ITPRID1: variants seen among roughly 807,000 people sequenced by gnomAD.
The protein encoded by ITPRID1 is protein ITPRID1.
In ITPRID1, 96 loss-of-function variants were observed where a neutral mutation model predicts 95.4. The ratio of observed to expected loss-of-function variants is 1.01; its 90% confidence interval spans 0.85 to 1.19. ITPRID1 has a LOEUF of 1.19. ITPRID1 is among the 50% of genes most tolerant of loss of function. ITPRID1 has a pLI of 0.00. For missense variants in ITPRID1, 1,339 were observed against 1,252.9 expected (o/e 1.07, Z -1.04); for synonymous variants, 510 against 453.6 (o/e 1.12, Z -1.58).
At chr7:31,635,149 A>G (rs866712919) in intron 10 of ITPRID1, among the ~76,000 whole-genome samples, 1 of 152,174 alleles carries the variant, frequency 6.6e-6, no homozygotes, top group African/African-American at 2.4e-5. Flanking sequence ...TTAATAATCC[A>G]TCATGGCCAT....
chr7:31,548,251 T>C (rs1784164588), intron 1 of ITPRID1, among the ~76,000 whole-genome samples: 2 of 152,070 alleles, frequency 1.3e-5, no homozygotes, highest in East Asian at 1.9e-4. Flanking sequence ...GCCATCTACA[T>C]TGATAATGAA....
intron 1 of ITPRID1, among the ~76,000 whole-genome samples, chr7:31,541,542 T>C (rs1430412928): frequency 1.3e-5 from 2 of 152,184 alleles, no homozygotes; most frequent in Non-Finnish European, 2.9e-5. Flanking sequence ...AACATAACAA[T>C]TATAATTATT....
At chr7:31,516,578 T>C (rs1445338580) in intron 1 of ITPRID1, among the ~76,000 whole-genome samples, 1 of 152,176 alleles carries the variant, frequency 6.6e-6, no homozygotes, top group Non-Finnish European at 1.5e-5. Context: ...CAGATAATAG[T>C]TGGCAGCACC....
rs768625603 is a variant in ITPRID1, at chr7:31,643,393, G to C, written c.2023G>C (p.Ala675Pro). The C allele has an allele frequency of 1.9e-6, 3 of 1,613,978 alleles. No individual in the cohort carries two copies. In the South Asian group the frequency reaches 3.3e-5, roughly 18 times the overall value. Residue 675 changes from alanine to proline, a missense_variant, in exon 12 of 15, where the codon GCC becomes CCC. Physicochemically the swap from Ala to Pro is conservative, Grantham distance 27. Coordinates refer to ENST00000615280, the MANE Select transcript of ITPRID1 (RefSeq NM_001257967.3). The part of the protein sequence containing the change: ...PHLHKLPGDP[A>P]QVKSRSGTLG... ...CCTCCATAAACTGCCTGGAGATCCT[G>C]CCCAGGTGAAGTCAAGGTCTGGTAC...
intron 10 of ITPRID1, among the ~76,000 whole-genome samples, chr7:31,635,001 T>C (rs1241633648): frequency 6.6e-6 from 1 of 152,214 alleles, no homozygotes; most frequent in Non-Finnish European, 1.5e-5. Flanking sequence ...CTGGTACCAC[T>C]GCCATTACTC....
intron 9 of ITPRID1, among the ~76,000 whole-genome samples, chr7:31,580,728 T>C (rs886654994): frequency 4.1e-4 from 62 of 152,284 alleles, no homozygotes; most frequent in African/African-American, 1.5e-3. Context: ...TATTTGTTAA[T>C]TGAGTGAACA....
At chr7:31,549,924 T>C (rs1240405788) in intron 2 of ITPRID1, among the ~76,000 whole-genome samples, 1 of 152,176 alleles carries the variant, frequency 6.6e-6, no homozygotes, top group Admixed American at 6.5e-5. Context: ...AATGTAATCA[T>C]TGTCACTGCT....
At chr7:31,597,361 A>G (rs1786130921) in intron 10 of ITPRID1, among the ~76,000 whole-genome samples, 1 of 152,058 alleles carries the variant, frequency 6.6e-6, no homozygotes, top group Non-Finnish European at 1.5e-5. Flanking sequence ...CTGTCTACAT[A>G]CAAAACTTGA....
rs1383155796 is a variant in ITPRID1 at position 31,620,111 on chromosome 7, C to G, written c.1229-22065C>G. 3.3e-5 allele frequency among the ~76,000 whole-genome samples: 5 copies of G among 152,274 alleles called. No individual in the cohort carries two copies. In the South Asian group the frequency reaches 6.2e-4, roughly 19 times the overall value. ...GGTAAACAAAGCAGCCGGGAAGCTC[C>G]AACTGGGTGGAGCCCACCACAGCTC... On this transcript the variant is annotated intron_variant, in intron 10 of 14. Coordinates refer to ENST00000615280, the MANE Select transcript of ITPRID1 (RefSeq NM_001257967.3).
chr7:31,646,923 T>G (rs1436462345), intron 12 of ITPRID1, among the ~76,000 whole-genome samples: 2 of 152,226 alleles, frequency 1.3e-5, no homozygotes, highest in East Asian at 3.8e-4. Context: ...ATCATACACC[T>G]GCTGAAATGG....
chr7:31,600,831 T>C (rs917226108), intron 10 of ITPRID1, among the ~76,000 whole-genome samples: 2 of 152,178 alleles, frequency 1.3e-5, no homozygotes, highest in Non-Finnish European at 2.9e-5. Flanking sequence ...TCCTGGGGCT[T>C]GAATTCAACT....
intron 10 of ITPRID1, among the ~76,000 whole-genome samples, chr7:31,586,493 C>T (rs1407966266): frequency 6.6e-6 from 1 of 151,290 alleles, no homozygotes; most frequent in Non-Finnish European, 1.5e-5. Context: ...ACATCCTCTC[C>T]AGCACCTGTT....
chr7:31,577,201 T>C (rs1415850691), intron 8 of ITPRID1, among the ~76,000 whole-genome samples: 2 of 152,356 alleles, frequency 1.3e-5, no homozygotes, highest in East Asian at 3.9e-4. Context: ...GATACTTACA[T>C]GGCATCGTGT....
At chr7:31,614,714 C>T (rs1393687069) in intron 10 of ITPRID1, among the ~76,000 whole-genome samples, 1 of 150,858 alleles carries the variant, frequency 6.6e-6, no homozygotes, top group Non-Finnish European at 1.5e-5. Flanking sequence ...CGTTGTGGCA[C>T]AGTGAGCTGC....
intron 5 of ITPRID1, among the ~76,000 whole-genome samples, chr7:31,555,929 A>C (rs1270770870): frequency 6.6e-6 from 1 of 152,190 alleles, no homozygotes; most frequent in Non-Finnish European, 1.5e-5. Context: ...ATGATGCCAA[A>C]TACTGTAAAG....
intron 5 of ITPRID1, among the ~76,000 whole-genome samples, chr7:31,560,277 T>C (rs1440136754): frequency 2.0e-5 from 3 of 152,118 alleles, no homozygotes; most frequent in African/African-American, 7.2e-5. Flanking sequence ...GGGCTAGGGG[T>C]TAAAGAATTA....
In ITPRID1 at chr7:31,515,966, G is replaced by A. The variant is rs574322843; in HGVS notation, c.-98+1846G>A. Among the ~76,000 whole-genome samples, 7 of 152,268 alleles carry A rather than the reference G, an allele frequency of 4.6e-5. No individual in the cohort carries two copies. In the South Asian group the frequency reaches 1.2e-3, roughly 27 times the overall value. Reference sequence around the variant, plus strand: ...CTGTGTTAGGAGAAGAAACAGGCTAGATATTTGTACCTTTCATAATAGTTT... The same window carrying A: ...CTGTGTTAGGAGAAGAAACAGGCTAAATATTTGTACCTTTCATAATAGTTT... On this transcript the variant is annotated intron_variant, in intron 1 of 14. Transcript: ENST00000615280.
intron 10 of ITPRID1, among the ~76,000 whole-genome samples, chr7:31,615,180 A>T (rs1271283087): frequency 2.0e-5 from 3 of 152,268 alleles, no homozygotes; most frequent in East Asian, 3.9e-4. Flanking sequence ...CACATACTGT[A>T]GATATTTTCC....
chr7:31,649,044 G>C (rs61185544), intron 12 of ITPRID1, among the ~76,000 whole-genome samples: 5,128 of 152,282 alleles, frequency 0.034, 306 homozygotes, highest in African/African-American at 0.12. Flanking sequence ...GATTCCCTAA[G>C]TGTTTCAAAT....
Sources: allele counts gnomAD v4.1 joint callset (sites outside exome capture counted in the v4.1 genomes callset), GRCh38; gene constraint gnomAD v4.1.1; transcripts MANE v1.5; gene names NCBI Gene and HGNC (gene_info 2026-07-23, HGNC 2026-07-21).